The following PLIN5 variants were observed in gnomAD, a reference collection of about 807,000 sequenced individuals.
PLIN5 encodes the protein perilipin-5.
PLIN5 carries 34 observed loss-of-function variants against 32.8 expected under a neutral mutation model. The ratio of observed to expected loss-of-function variants is 1.04; its 90% CI spans 0.79 to 1.38. The LOEUF is 1.38. Among genes scored for constraint, PLIN5 ranks in the 40% most tolerant of loss-of-function variants. The probability of loss-of-function intolerance (pLI) is 0.00; values close to 1 mark genes in which losing one functional copy is unlikely to be tolerated. For missense variants in PLIN5, 712 were observed against 660.5 expected, an observed-to-expected ratio of 1.08 and a Z score of -0.85; for synonymous variants, 309 against 292.9, an observed-to-expected ratio of 1.05 and a Z score of -0.56.
chr19:4,525,936 ACAGGATACGGGGACAGCACG>A lies in PLIN5; in HGVS notation c.521-124_521-105del. 3 of 627,308 alleles carry A rather than the reference ACAGGATACGGGGACAGCACG, an allele frequency of 4.8e-6. No homozygotes were observed. The highest frequency in any genetic ancestry group is 5.1e-5 in the African/African-American group (2 of 39,570). 38.9% of individuals were successfully genotyped at this position (627,308 alleles called of 1,614,324 possible). On this transcript the variant is annotated intron_variant, in intron 5 of 7. Transcript: ENST00000381848. The surrounding 1 kb of genome is among the most constrained non-coding windows in gnomAD (Gnocchi z 5.6). ...GACAGGATACGGGGACAGCACGGGG[ACAGGATACGGGGACAGCACG>A]GGGACAGCATGGGGTCAGCACAGCC...
At position 4,529,873 on chromosome 19, in the gene PLIN5, GGA is replaced by G. The variant is rs752077883; in HGVS notation, c.257-9_257-8del. 9 of 1,589,788 alleles carry G rather than the reference GGA, an allele frequency of 5.7e-6. No individual in the cohort carries two copies. Among genetic ancestry groups the G allele is most frequent in the Non-Finnish European group, 6.9e-6 (8 of 1,162,812 alleles). On this transcript the variant is annotated splice_region_variant and splice_polypyrimidine_tract_variant and intron_variant, in intron 3 of 7. Coordinates refer to ENST00000381848, the MANE Select transcript of PLIN5 (RefSeq NM_001013706.3). ...AGGCTGTTCATAGTGGCCACTGAAG[GGA>G]GAGAGGCGGGGAGTGAGACTCGGGG... is the stretch of plus-strand genomic sequence containing the variant.
chr19:4,523,555 G>A lies in PLIN5; in HGVS notation c.1365C>T (p.His455=). ...AGAAGTCCAGCTCGGGCATCAGGGT[G>A]TGCTTGACCGGGCAGCTGGGGGTCT... ...EPETPSCPVK[H]TLMPELDF is the part of the protein sequence containing the mutation. The change falls in exon 8 of 8, where the codon CAC becomes CAT. Residue 455 remains histidine (H), a synonymous_variant. Transcript: ENST00000381848. The surrounding 1 kb of genome is among the most constrained non-coding windows in gnomAD (Gnocchi z 5.0). The A allele has an allele frequency of 6.3e-7, 1 of 1,587,700 alleles. No individual in the cohort carries two copies. The highest frequency in any genetic ancestry group is 1.2e-5 in the South Asian group (1 of 86,156).
At position 4,523,790 on chromosome 19, in the gene PLIN5, G is replaced by A; in HGVS notation, c.1130C>T (p.Pro377Leu). ...QAVPLPWLVG[P>L]FAPILVERPE... is the part of the protein sequence containing the mutation. ...TCGCTCCACAAGGATGGGCGCGAAGGGTCCCACCAGCCAGGGCAGCGGCAC... is the reference window on the plus strand; with the variant it reads ...TCGCTCCACAAGGATGGGCGCGAAGAGTCCCACCAGCCAGGGCAGCGGCAC... Residue 377 changes from proline to leucine, a missense_variant, in exon 8 of 8, where the codon CCC becomes CTC. Physicochemically the swap from Pro to Leu is moderately conservative, Grantham distance 98. Transcript: ENST00000381848. This position sits in a 1 kb window ranked among gnomAD's most constrained non-coding sequence, Gnocchi z 5.0. The A allele has an allele frequency of 6.3e-7, 1 of 1,597,112 alleles. No homozygotes were observed. The highest frequency in any genetic ancestry group is 8.5e-7 in the Non-Finnish European group (1 of 1,178,698).
At chr19:4,529,561 CTTAT>C (rs1976854871) in intron 4 of PLIN5, 3 of 482,970 alleles carry the variant, frequency 6.2e-6, no homozygotes, top group Middle Eastern at 5.2e-4. Context: ...TACATATATA[CTTAT>C]ACGTATATAT....
At position 4,523,605 on chromosome 19, in the gene PLIN5, C is replaced by A. The variant is rs372681667; in HGVS notation, c.1315G>T (p.Gly439Trp). Residue 439 changes from glycine to tryptophan, a missense_variant, in exon 8 of 8, where the codon GGG becomes TGG. Transcript: ENST00000381848. The surrounding 1 kb of genome is among the most constrained non-coding windows in gnomAD (Gnocchi z 5.0). ...TCGGGTTCCTGCTCGCAGATGTCCC[C>A]GGCAACACCCATCCTGTCCCCATCC... Reference protein sequence around the residue: ...NGDGDRMGVAGDICEQEPETP... With the variant: ...NGDGDRMGVAWDICEQEPETP... The A allele has an allele frequency of 1.4e-5, 22 of 1,608,156 alleles. No homozygotes were observed. Among genetic ancestry groups the A allele is most frequent in the Non-Finnish European group, 1.8e-5 (21 of 1,177,978 alleles).
intron 2 of PLIN5, 190 bp downstream of exon 2, chr19:4,533,825 C>G (rs1976915444): frequency 1.5e-6 from 1 of 646,028 alleles, no homozygotes. Flanking sequence ...GAGAGACACT[C>G]CCCTCCCAGG....
rs775652952 is a variant in PLIN5, at chr19:4,523,877, CG to C, written c.1042del (p.Arg348GlyfsTer110). 6.6e-7 allele frequency: 1 copy of C among 1,518,052 alleles called. No individual in the cohort carries two copies. The highest frequency in any genetic ancestry group is 1.3e-5 in the South Asian group (1 of 79,830). The allele number at this position is 1,518,052 out of a possible 1,614,324, so 94.0% of individuals were successfully genotyped here. ...GGCGTGCGCGTGGGCCACGCGACCC[CG>C]GCCCTCGGCCAGCGCGGCCGCTGGC... ...DVPAAALAEGRGRVAHAHACV... is the reference protein window; with the variant it reads ...DVPAAALAEGXGRVAHAHACV... On this transcript the variant is annotated frameshift_variant, in exon 8 of 8. Transcript: ENST00000381848. LOFTEE classifies it low-confidence loss of function (END_TRUNC). This position sits in a 1 kb window ranked among gnomAD's most constrained non-coding sequence, Gnocchi z 5.0.
At chr19:4,533,666 C>A (rs950235940) in intron 2 of PLIN5, 28 of 471,778 alleles carry the variant, frequency 5.9e-5, no homozygotes, top group Admixed American at 1.1e-4. Context: ...GGAACTGTGA[C>A]TGATACAGTG....
chr19:4,525,570 C>G lies in PLIN5; in HGVS notation c.720+63G>C. 6.3e-7 allele frequency: 1 copy of G among 1,578,548 alleles called. No individual in the cohort carries two copies. Among genetic ancestry groups the G allele is most frequent in the East Asian group, 2.2e-5 (1 of 44,630 alleles). On this transcript the variant is annotated intron_variant, in intron 6 of 7. Transcript: ENST00000381848. This position sits in a 1 kb window ranked among gnomAD's most constrained non-coding sequence, Gnocchi z 5.6. ...GGCTAGCACGGGATCCGGTATTCAG[C>G]TGGTGCTCAATCCATACTGATTGGC...
At position 4,525,895 on chromosome 19, in the gene PLIN5, A is replaced by G; in HGVS notation, c.521-63T>C. The G allele has an allele frequency of 1.9e-6, 1 of 526,876 alleles. No individual in the cohort carries two copies. The highest frequency in any genetic ancestry group is 3.4e-6 in the Non-Finnish European group (1 of 296,580). 32.6% of individuals were successfully genotyped at this position (526,876 alleles called of 1,614,324 possible). A position where few individuals can be genotyped will look rare whatever the true frequency, so the allele number is the denominator to read the frequency against. ...TACGGGGACAGCACGGGGACAGGATACGGGGACAGCACGGGGACAGGATAC... is the reference window on the plus strand; with the variant it reads ...TACGGGGACAGCACGGGGACAGGATGCGGGGACAGCACGGGGACAGGATAC... On this transcript the variant is annotated intron_variant, in intron 5 of 7. Transcript: ENST00000381848. The surrounding 1 kb of genome is among the most constrained non-coding windows in gnomAD (Gnocchi z 5.6).
chr19:4,529,395 T>C (rs771004716), intron 4 of PLIN5, 142 bp from the exon 5 acceptor site: 3 of 892,114 alleles, frequency 3.4e-6, no homozygotes, highest in Admixed American at 6.1e-5. Context: ...AAATGGGTGA[T>C]AAAACCCTTC....
At position 4,523,594 on chromosome 19, in the gene PLIN5, G is replaced by A. The variant is rs774832514; in HGVS notation, c.1326C>T (p.Cys442=). 1.8e-4 allele frequency: 286 copies of A among 1,605,218 alleles called. No homozygotes were observed. The highest frequency in any genetic ancestry group is 9.4e-5 in the Non-Finnish European group (111 of 1,176,202). The change falls in exon 8 of 8, where the codon TGC becomes TGT. Residue 442 remains cysteine (C), a synonymous_variant. Transcript: ENST00000381848. The surrounding 1 kb of genome is among the most constrained non-coding windows in gnomAD (Gnocchi z 5.0). ...AGCTGGGGGTCTCGGGTTCCTGCTC[G>A]CAGATGTCCCCGGCAACACCCATCC... ...GDRMGVAGDI[C]EQEPETPSCP... is the part of the protein sequence containing the mutation.
At position 4,532,015 on chromosome 19, in the gene PLIN5, C is replaced by T. The variant is rs571831607; in HGVS notation, c.61-193G>A. On this transcript the variant is annotated intron_variant, in intron 2 of 7. Transcript: ENST00000381848. Reference sequence around the variant, plus strand: ...GTCATGGTTCCTGCACTCACAGGCTCCTCTTCCCATGGCGTACACAGAGCA... The same window carrying T: ...GTCATGGTTCCTGCACTCACAGGCTTCTCTTCCCATGGCGTACACAGAGCA... 2.0e-5 allele frequency among the ~76,000 whole-genome samples: 3 copies of T among 152,354 alleles called. No individual in the cohort carries two copies. In the South Asian group the frequency reaches 6.2e-4, roughly 32 times the overall value.
rs764461669 is a variant in PLIN5, at chr19:4,523,761, C to T, written c.1159G>A (p.Glu387Lys). 107 of 1,599,362 alleles carry T rather than the reference C, an allele frequency of 6.7e-5. No homozygotes were observed. Among genetic ancestry groups the T allele is most frequent in the Non-Finnish European group, 3.7e-5 (44 of 1,179,444 alleles). ...PFAPILVERP[E>K]PLPDLADLVD... is the part of the protein sequence containing the mutation. ...AGGTCCGCCAGGTCGGGCAGGGGCT[C>T]GGGTCGCTCCACAAGGATGGGCGCG... The change falls in exon 8 of 8, where the codon GAG (glutamate) becomes AAG (lysine). Residue 387 changes from glutamate to lysine, a missense_variant. Coordinates refer to ENST00000381848, the MANE Select transcript of PLIN5 (RefSeq NM_001013706.3). The surrounding 1 kb of genome is among the most constrained non-coding windows in gnomAD (Gnocchi z 5.0).
Position 4,525,754 on chromosome 19 carries a change from C to A in PLIN5, c.599G>T (p.Arg200Leu). The A allele has an allele frequency of 6.2e-7, 1 of 1,613,650 alleles. No individual in the cohort carries two copies. The highest frequency in any genetic ancestry group is 8.5e-7 in the Non-Finnish European group (1 of 1,180,034). The change falls in exon 6 of 8, where the codon CGC becomes CTC. Residue 200 changes from arginine to leucine, a missense_variant. By Grantham distance (102) the Arg-to-Leu change is moderately radical. Coordinates refer to ENST00000381848, the MANE Select transcript of PLIN5 (RefSeq NM_001013706.3). This position sits in a 1 kb window ranked among gnomAD's most constrained non-coding sequence, Gnocchi z 5.6. Reference protein sequence around the residue: ...DQRRQQGYFVRLGSLSARIRH... With the variant: ...DQRRQQGYFVLLGSLSARIRH... ...GATCCGTGCTGACAGGGAGCCGAGG[C>A]GCACAAAGTAGCCCTGCTGTCTCCT...
In PLIN5 at chr19:4,528,167, C is replaced by G. The variant is rs193090906; in HGVS notation, c.520+906G>C. 4.7e-3 allele frequency among the ~76,000 whole-genome samples: 717 copies of G among 152,116 alleles called. 1 individual carries two copies. The highest frequency in any genetic ancestry group is 0.016 in the African/African-American group (679 of 41,504). On this transcript the variant is annotated intron_variant, in intron 5 of 7. Coordinates refer to ENST00000381848, the MANE Select transcript of PLIN5 (RefSeq NM_001013706.3). ...CTCGTGATCGGCCCGCCTCGGCCCC[C>G]CAAAGTGCTGGGATTACAGGCCTGA...
Position 4,529,842 on chromosome 19 carries a change from C to G in PLIN5, c.281G>C (p.Cys94Ser), listed in dbSNP as rs200153211. Residue 94 changes from cysteine to serine, a missense_variant, in exon 4 of 8, where the codon TGC (cysteine) becomes TCC (serine). Coordinates refer to ENST00000381848, the MANE Select transcript of PLIN5 (RefSeq NM_001013706.3). ...CTCTTCCAGCTTGTCCAGGCCCCTG[C>G]AGGCGAGGCTGTTCATAGTGGCCAC... Reference protein sequence around the residue: ...PQLATMNSLACRGLDKLEEKL... With the variant: ...PQLATMNSLASRGLDKLEEKL... The G allele has an allele frequency of 1.9e-5, 30 of 1,608,060 alleles. No homozygotes were observed. In the African/African-American group the frequency reaches 3.6e-4, roughly 19 times the overall value.
chr19:4,531,816 C>A lies in PLIN5; in HGVS notation c.67G>T (p.Val23Leu), dbSNP rs1207872629. 3.2e-6 allele frequency: 5 copies of A among 1,550,326 alleles called. No individual in the cohort carries two copies. In the East Asian group the frequency reaches 1.2e-4, roughly 37 times the overall value. The change falls in exon 3 of 8, where the codon GTG becomes TTG. Residue 23 changes from valine to leucine, a missense_variant. Transcript: ENST00000381848. ...SVWEQDQQNVVQRVVALPLVR... is the reference protein window; with the variant it reads ...SVWEQDQQNVLQRVVALPLVR... ...AGGGGCAGAGCCACCACACGCTGCA[C>A]CACGTTCTGCGGGAAGGGTCGGCAT...
chr19:4,529,092 G>A lies in PLIN5; in HGVS notation c.501C>T (p.Pro167=), dbSNP rs1377089478. ...CCTCACCGAGCTCTTCCTCCGTCAT[G>A]GGCAGGAAGTGATCCACCAGCTCCT... ...KSEELVDHFL[P]MTEEELAALA... is the part of the protein sequence containing the mutation. The change falls in exon 5 of 8, where the codon CCC becomes CCT. Residue 167 remains proline, a synonymous_variant. Coordinates refer to ENST00000381848, the MANE Select transcript of PLIN5 (RefSeq NM_001013706.3). 8 of 1,613,114 alleles carry A rather than the reference G, an allele frequency of 5.0e-6. No individual in the cohort carries two copies. The highest frequency in any genetic ancestry group is 6.8e-6 in the Non-Finnish European group (8 of 1,179,966).
Sources: allele counts gnomAD v4.1 joint callset (sites outside exome capture counted in the v4.1 genomes callset), GRCh38; gene constraint gnomAD v4.1.1; non-coding constraint Gnocchi (gnomAD v3.1); transcripts MANE v1.5; gene names NCBI Gene and HGNC (gene_info 2026-07-23, HGNC 2026-07-21).